Variants in SLC52A3 observed in about 807,000 individuals in gnomAD.
SLC52A3 encodes the protein solute carrier family 52 member 3.
SLC52A3 carries 20 observed loss-of-function variants against 29.5 expected under a neutral mutation model. The observed-to-expected ratio is 0.68, with a 90% confidence interval of 0.48 to 0.99. SLC52A3 has a LOEUF of 0.99. Ranked by LOEUF, SLC52A3 falls within the 50% of genes least tolerant of loss-of-function variation. The probability of loss-of-function intolerance (pLI) is 0.00; values close to 1 mark genes in which losing one functional copy is unlikely to be tolerated. For missense variants in SLC52A3, 548 were observed against 612.9 expected (o/e 0.89, Z 1.12); for synonymous variants, 301 against 271.0 (o/e 1.11, Z -1.09).
Position 761,088 on chromosome 20 carries a change from G to A in SLC52A3, c.1348C>T (p.Leu450=). ...SLLGALLMFP[L]VNVLRLFSSA... is the part of the protein sequence containing the mutation. Reference sequence around the variant, plus strand: ...GAGAAGAGCCGCAGCACGTTGACCAGAGGGAACATGAGCAGCGCTCCGAGC... The same window carrying A: ...GAGAAGAGCCGCAGCACGTTGACCAAAGGGAACATGAGCAGCGCTCCGAGC... The change falls in exon 5 of 5, where the codon CTG becomes TTG. Residue 450 remains leucine, a synonymous_variant. Coordinates refer to ENST00000645534, the MANE Select transcript of SLC52A3 (RefSeq NM_033409.4). 1 of 1,609,408 alleles carries A rather than the reference G, an allele frequency of 6.2e-7. No individual in the cohort carries two copies. The highest frequency in any genetic ancestry group is 8.5e-7 in the Non-Finnish European group (1 of 1,178,520).
intron 1 of SLC52A3, among the ~76,000 whole-genome samples, chr20:773,942 C>T (rs898885047): frequency 1.2e-4 from 18 of 152,178 alleles, no homozygotes; most frequent in South Asian, 4.1e-4. Flanking sequence ...CGCCCCCCTC[C>T]ACATTCTCCT....
upstream of SLC52A3, among the ~76,000 whole-genome samples, chr20:778,629 TA>T (rs922219545): frequency 2.2e-4 from 34 of 151,490 alleles, 1 homozygote; most frequent in African/African-American, 7.0e-4. Context: ...TTGGATCTGT[TA>T]AAAAAAAATT....
At chr20:772,284 G>A (rs551641236), upstream of SLC52A3, among the ~76,000 whole-genome samples, 2 of 152,342 alleles carry the variant, frequency 1.3e-5, no homozygotes, top group Admixed American at 6.5e-5. Context: ...CTTGAGGGAT[G>A]GGATTTGGCT....
intron 1 of SLC52A3, among the ~76,000 whole-genome samples, chr20:775,714 G>A (rs1339099531): frequency 6.6e-6 from 1 of 152,150 alleles, no homozygotes; most frequent in Non-Finnish European, 1.5e-5. Context: ...TCACCTGGAT[G>A]GCTCAGCCTG....
In SLC52A3 at chr20:763,853, C is replaced by T. The variant is rs1436100312; in HGVS notation, c.718G>A (p.Val240Ile). ...CAGCACCTGGGTTGACGCTGGAGGA[C>T]AAAGAACGCCACGAGGCAGCAGGCC... ...MMACCLVAFFVLQRQPRCWEA... is the reference protein window; with the variant it reads ...MMACCLVAFFILQRQPRCWEA... The change falls in exon 3 of 5, where the codon GTC (valine) becomes ATC (isoleucine). Residue 240 changes from valine (V) to isoleucine (I), a missense_variant. Transcript: ENST00000645534. The T allele has an allele frequency of 5.0e-6, 8 of 1,614,000 alleles. No homozygotes were observed. Among genetic ancestry groups the T allele is most frequent in the Admixed American group, 1.7e-5 (1 of 60,010 alleles).
chr20:764,073 A>G, intron 2 of SLC52A3, 70 bp from the exon 3 acceptor site: 2 of 1,375,038 alleles, frequency 1.5e-6, no homozygotes, highest in Non-Finnish European at 2.0e-6. Flanking sequence ...CATGACAGTG[A>G]TAACAGAATA....
upstream of SLC52A3, among the ~76,000 whole-genome samples, chr20:772,903 G>C (rs1024111639): frequency 1.3e-5 from 2 of 152,194 alleles, no homozygotes; most frequent in African/African-American, 2.4e-5. Context: ...AAAACAGCAA[G>C]TGAAAAGGCC....
At position 765,289 on chromosome 20, in the gene SLC52A3, A is replaced by G. The variant is rs1986638811; in HGVS notation, c.486T>C (p.Gly162=). 1 of 1,614,110 alleles carries G rather than the reference A, an allele frequency of 6.2e-7. No individual in the cohort carries two copies. Among genetic ancestry groups the G allele is most frequent in the African/African-American group, 1.3e-5 (1 of 75,008 alleles). The stretch of plus-strand genomic sequence containing the variant: ...CAGTGACATTGACGCAGGTAGTGAG[A>G]CCGGAGCCCTGGGCAAGAGCCACCA... ...PALVALAQGS[G]LTTCVNVTEI... The change falls in exon 2 of 5, where the codon GGT becomes GGC. Residue 162 remains glycine (G), a synonymous_variant. Coordinates refer to ENST00000645534, the MANE Select transcript of SLC52A3 (RefSeq NM_033409.4). The surrounding 1 kb of genome is among the most constrained non-coding windows in gnomAD (Gnocchi z 6.6).
At chr20:766,490 T>A (rs1380036083) in intron 1 of SLC52A3, among the ~76,000 whole-genome samples, 3 of 152,196 alleles carry the variant, frequency 2.0e-5, no homozygotes, top group Non-Finnish European at 4.4e-5. Context: ...AACTGAAGAA[T>A]CACAAAAGAA....
upstream of SLC52A3, among the ~76,000 whole-genome samples, chr20:776,339 A>T (rs1884638): frequency 0.12 from 18,342 of 152,194 alleles, 1,217 homozygotes; most frequent in Non-Finnish European, 0.15. Context: ...TCAGTAAGTC[A>T]TGTGGAAAGC....
In SLC52A3 at chr20:765,846, G is replaced by A. The variant is rs1157326864; in HGVS notation, c.-51-21C>T. Reference sequence around the variant, plus strand: ...CGGGGCTGGCAGAGAAGGACACCAGGTGAGTAATTCCAGCTTCACCACCTA... The same window carrying A: ...CGGGGCTGGCAGAGAAGGACACCAGATGAGTAATTCCAGCTTCACCACCTA... On this transcript the variant is annotated intron_variant, in intron 1 of 4. Coordinates refer to ENST00000645534, the MANE Select transcript of SLC52A3 (RefSeq NM_033409.4). The surrounding 1 kb of genome is among the most constrained non-coding windows in gnomAD (Gnocchi z 6.6). 6 of 1,458,924 alleles carry A rather than the reference G, an allele frequency of 4.1e-6. No homozygotes were observed. The allele number at this position is 1,458,924 out of a possible 1,614,324, so 90.4% of individuals were successfully genotyped here.
rs1986495332 is a variant in SLC52A3 at position 761,770 on chromosome 20, G to A, written c.1128C>T (p.Tyr376=). 6.2e-7 allele frequency: 1 copy of A among 1,614,076 alleles called. No individual in the cohort carries two copies. The highest frequency in any genetic ancestry group is 8.5e-7 in the Non-Finnish European group (1 of 1,180,018). Residue 376 remains tyrosine (Y), a synonymous_variant, in exon 4 of 5, where the codon TAC becomes TAT. Transcript: ENST00000645534. ...GGCTCATCACCGCCATGGCCATGTT[G>A]TAGCCCCCAAAGCAGGTCCCAAGCA... is the stretch of plus-strand genomic sequence containing the variant. The part of the protein sequence containing the change: ...LSVLGTCFGG[Y]NMAMAVMSPC...
At chr20:769,695 G>A (rs1303445916), upstream of SLC52A3, among the ~76,000 whole-genome samples, 1 of 152,122 alleles carries the variant, frequency 6.6e-6, no homozygotes, top group African/African-American at 2.4e-5. Flanking sequence ...TCATGAGTCC[G>A]AGACTGGCCT....
intron 2 of SLC52A3, 126 bp from the exon 3 acceptor site, chr20:764,129 C>T (rs1599958379): frequency 2.8e-6 from 3 of 1,082,088 alleles, no homozygotes; most frequent in East Asian, 5.2e-5. Flanking sequence ...ATAAACATAA[C>T]TAACAAGGTG....
At chr20:762,027 G>T (rs577090471) in intron 3 of SLC52A3, among the ~76,000 whole-genome samples, 1 of 152,298 alleles carries the variant, frequency 6.6e-6, no homozygotes, top group Admixed American at 6.5e-5. Context: ...TTAACGGCAG[G>T]GCCTGGCACC....
upstream of SLC52A3, among the ~76,000 whole-genome samples, chr20:771,233 C>A (rs924591668): frequency 6.6e-6 from 1 of 152,172 alleles, no homozygotes; most frequent in Non-Finnish European, 1.5e-5. Context: ...CAGCCTCCAA[C>A]TGGTCAACAT....
chr20:765,203 G>C lies in SLC52A3; in HGVS notation c.567+5C>G, dbSNP rs753737167. 2 of 1,614,114 alleles carry C rather than the reference G, an allele frequency of 1.2e-6. No individual in the cohort carries two copies. The highest frequency in any genetic ancestry group is 8.5e-7 in the Non-Finnish European group (1 of 1,180,012). The stretch of plus-strand genomic sequence containing the variant: ...GCTGAGATGGCTCCGGGTGATGCTG[G>C]GTACCTGTGCGATGTCAGTCTCCCT... On this transcript the variant is annotated splice_donor_5th_base_variant and intron_variant, in intron 2 of 4. Coordinates refer to ENST00000645534, the MANE Select transcript of SLC52A3 (RefSeq NM_033409.4). The surrounding 1 kb of genome is among the most constrained non-coding windows in gnomAD (Gnocchi z 6.6).
chr20:772,268 G>A (rs1188138882), upstream of SLC52A3, among the ~76,000 whole-genome samples: 1 of 152,218 alleles, frequency 6.6e-6, no homozygotes, highest in Non-Finnish European at 1.5e-5. Flanking sequence ...TACCACGGCT[G>A]TGTCACTTGA....
At chr20:778,268 G>A (rs1349758775), upstream of SLC52A3, among the ~76,000 whole-genome samples, 1 of 152,104 alleles carries the variant, frequency 6.6e-6, no homozygotes, top group Admixed American at 6.5e-5. Flanking sequence ...TCTTGCCTCT[G>A]CCTCCCAAAG....
Sources: gnomAD v4.1 joint callset for allele counts (sites outside exome capture counted in the v4.1 genomes callset) on GRCh38, gnomAD v4.1.1 for gene constraint, Gnocchi (gnomAD v3.1) non-coding constraint, MANE v1.5 for transcripts, NCBI Gene and HGNC (gene_info 2026-07-23, HGNC 2026-07-21) for gene names.